Variants in BLZF1 observed in about 807,000 individuals in gnomAD.
BLZF1 encodes golgin-45.
BLZF1 carries 39 observed loss-of-function variants against 43.8 expected under a neutral mutation model. The observed-to-expected ratio is 0.89, with a 90% CI of 0.69 to 1.16. The LOEUF (loss-of-function observed/expected upper bound fraction) is 1.16, where lower values mean the gene tolerates loss of function less well. BLZF1 is among the 50% of genes most tolerant of loss of function. The probability of loss-of-function intolerance (pLI) is 0.00; values close to 1 mark genes in which losing one functional copy is unlikely to be tolerated. For synonymous variants in BLZF1, 136 were observed against 159.4 expected (o/e 0.85, Z 1.11); for missense variants, 449 against 469.8 (o/e 0.96, Z 0.41).
At chr1:169,378,616 G>A (rs757387556) in intron 4 of BLZF1, 87 bp downstream of exon 4, 17 of 1,344,554 alleles carry the variant, frequency 1.3e-5, no homozygotes, top group Non-Finnish European at 1.8e-5. Context: ...AGATTGTAGT[G>A]TGAAAATTTC....
At chr1:169,371,917 A>G (rs1324989273) in intron 2 of BLZF1, among the ~76,000 whole-genome samples, 1 of 152,216 alleles carries the variant, frequency 6.6e-6, no homozygotes, top group East Asian at 1.9e-4. Context: ...AAGATATTCC[A>G]TGAGCAGATA....
At chr1:169,377,076 C>A in intron 3 of BLZF1, 97 bp downstream of exon 3, 3 of 987,706 alleles carry the variant, frequency 3.0e-6, no homozygotes, top group South Asian at 1.7e-5. Flanking sequence ...ATGGGAATGT[C>A]ATTCATCCTA....
At chr1:169,383,197 A>G (rs746943838) in intron 6 of BLZF1, among the ~76,000 whole-genome samples, 7 of 152,184 alleles carry the variant, frequency 4.6e-5, no homozygotes, top group Non-Finnish European at 8.8e-5. Flanking sequence ...TCCACAGAAG[A>G]AAAAGGGGAC....
At position 169,376,992 on chromosome 1, in the gene BLZF1, T is replaced by C. The variant is rs1242554762; in HGVS notation, c.468+13T>C. 6.2e-7 allele frequency: 1 copy of C among 1,603,906 alleles called. No individual in the cohort carries two copies. The highest frequency in any genetic ancestry group is 1.3e-5 in the African/African-American group (1 of 74,216). ...TGTACAGACAGAGGTAAGAAGAGCCTTAATCGATAAAATGAGTACTACTCT... is the reference window on the plus strand; with the variant it reads ...TGTACAGACAGAGGTAAGAAGAGCCCTAATCGATAAAATGAGTACTACTCT... On this transcript the variant is annotated intron_variant, in intron 3 of 6. Transcript: ENST00000367808.
chr1:169,395,560 A>G (rs1290743643), intron 7 of BLZF1, among the ~76,000 whole-genome samples: 1 of 152,224 alleles, frequency 6.6e-6, no homozygotes, highest in Non-Finnish European at 1.5e-5. Context: ...TACTCTTTGT[A>G]ACTAGCTGTA....
downstream of BLZF1, among the ~76,000 whole-genome samples, chr1:169,390,235 A>G (rs1654785838): frequency 6.6e-6 from 1 of 152,078 alleles, no homozygotes. Flanking sequence ...AGTGAGCTAA[A>G]TTTAAAAAAT....
chr1:169,379,612 A>C (rs1654463588), intron 4 of BLZF1, among the ~76,000 whole-genome samples: 1 of 152,014 alleles, frequency 6.6e-6, no homozygotes, highest in African/African-American at 2.4e-5. Flanking sequence ...TTGGTATTTT[A>C]ATTGATGTAA....
Position 169,387,662 on chromosome 1 carries a change from GA to G in BLZF1, c.*485del, listed in dbSNP as rs1283724483. The G allele has an allele frequency of 6.6e-6, 1 of 152,280 alleles. No individual in the cohort carries two copies. The highest frequency in any genetic ancestry group is 1.5e-5 in the Non-Finnish European group (1 of 68,102). 9.4% of individuals were successfully genotyped at this position (152,280 alleles called of 1,614,324 possible). A position where few individuals can be genotyped will look rare whatever the true frequency, so the allele number is the denominator to read the frequency against. ...GAATAGATGCAGCAGATCCTTTACA[GA>G]AAAAGTTTTCTGACCTCAATTCTAA... On this transcript the variant is annotated 3_prime_UTR_variant, in exon 7 of 7. Coordinates refer to ENST00000367808, the MANE Select transcript of BLZF1 (RefSeq NM_001320973.2).
intron 6 of BLZF1, among the ~76,000 whole-genome samples, chr1:169,386,678 C>CAAAAAAA: frequency 9.3e-6 from 1 of 107,626 alleles, no homozygotes; most frequent in Non-Finnish European, 1.8e-5. Flanking sequence ...GACTCCATCT[C>CAAAAAAA]AAAAAAAAAA....
At chr1:169,379,638 A>G (rs543984609) in intron 4 of BLZF1, among the ~76,000 whole-genome samples, 1 of 152,132 alleles carries the variant, frequency 6.6e-6, no homozygotes, top group African/African-American at 2.4e-5. Flanking sequence ...TAATGTCAAC[A>G]TTGTTTTCAT....
rs1654924285 is a variant in BLZF1, at chr1:169,394,884, G to GA, written c.*28-1003dup. On this transcript the variant is annotated intron_variant, in intron 7 of 7. Transcript: ENST00000329281. ...GGCACAACACATTACAACACTGTGA[G>GA]AAAAAAATTTATTTTGTTCTAGTAT... The GA allele has an allele frequency of 3.4e-5, 20 of 586,388 alleles. No homozygotes were observed. The South Asian group carries it at 3.4e-4, about 10-fold the overall frequency. 36.3% of individuals were successfully genotyped at this position (586,388 alleles called of 1,614,324 possible).
chr1:169,381,914 A>C, intron 5 of BLZF1, 148 bp from the exon 6 acceptor site: 1 of 634,700 alleles, frequency 1.6e-6, no homozygotes, highest in South Asian at 2.2e-5. Flanking sequence ...CTTGACTAAG[A>C]CATCCGAATT....
intron 2 of BLZF1, 148 bp from the exon 3 acceptor site, chr1:169,376,392 T>G: frequency 1.6e-6 from 1 of 634,768 alleles, no homozygotes; most frequent in Non-Finnish European, 2.5e-6. Flanking sequence ...TGTTGACACA[T>G]GATTGTTTTG....
chr1:169,394,201 T>C (rs1280581424), intron 7 of BLZF1, among the ~76,000 whole-genome samples: 1 of 152,234 alleles, frequency 6.6e-6, no homozygotes, highest in African/African-American at 2.4e-5. Context: ...AGGGTTGTCA[T>C]ATGATTACAT....
intron 2 of BLZF1, among the ~76,000 whole-genome samples, chr1:169,373,502 C>T (rs138838784): frequency 6.6e-6 from 1 of 152,132 alleles, no homozygotes; most frequent in Non-Finnish European, 1.5e-5. Context: ...ACGAAAGTTA[C>T]CAGGTGAGAA....
chr1:169,384,213 A>G (rs941709613), intron 6 of BLZF1, among the ~76,000 whole-genome samples: 1 of 152,098 alleles, frequency 6.6e-6, no homozygotes, highest in East Asian at 1.9e-4. Flanking sequence ...AGTTTCCAAT[A>G]TATTGTAATT....
rs767962455 is a variant in BLZF1 at position 169,387,102 on chromosome 1, C to T, written c.1123C>T (p.Arg375Ter). The change falls in exon 7 of 7, where the codon CGA becomes TGA. Residue 375 changes from arginine (R) to a stop codon, truncating the protein, a stop_gained. Coordinates refer to ENST00000367808, the MANE Select transcript of BLZF1 (RefSeq NM_001320973.2). LOFTEE classifies it high-confidence loss of function. ...ACTTGCTACAAAGAAAAATATTGGA[C>T]GATTTCATCCCTATACTAGATATGA... ...TLLATKKNIG[R>*]FHPYTRYENI... 9.6e-5 allele frequency: 155 copies of T among 1,613,350 alleles called. 1 individual carries two copies. The South Asian group carries it at 1.3e-3, about 13-fold the overall frequency.
intron 6 of BLZF1, 105 bp downstream of exon 6, chr1:169,382,386 G>C: frequency 3.2e-6 from 3 of 944,616 alleles, no homozygotes; most frequent in Non-Finnish European, 4.7e-6. Context: ...GGAAATGTGG[G>C]ATCTAAACCA....
chr1:169,389,796 A>C (rs1218647412), downstream of BLZF1, among the ~76,000 whole-genome samples: 4 of 152,342 alleles, frequency 2.6e-5, no homozygotes, highest in East Asian at 5.8e-4. Context: ...TGATGCTACA[A>C]TGTAGATGAA....
Sources: allele counts gnomAD v4.1 joint callset (sites outside exome capture counted in the v4.1 genomes callset), GRCh38; gene constraint gnomAD v4.1.1; transcripts MANE v1.5; gene names NCBI Gene and HGNC (gene_info 2026-07-23, HGNC 2026-07-21).